The following KMO variants were observed in gnomAD, a reference collection of about 807,000 sequenced individuals.
KMO encodes kynurenine 3-monooxygenase.
In KMO, 24 loss-of-function variants were observed where a neutral mutation model predicts 57.8. The ratio of observed to expected loss-of-function variants is 0.42; its 90% CI spans 0.30 to 0.58. KMO has a LOEUF of 0.58. Ranked by LOEUF, KMO falls within the 20% of genes least tolerant of loss-of-function variation. KMO has a pLI of 0.22. For missense variants in KMO, 483 were observed against 588.2 expected (o/e 0.82, Z 1.85); for synonymous variants, 210 against 193.6 (o/e 1.08, Z -0.70).
chr1:241,566,054 A>G (rs1314849501), intron 8 of KMO, among the ~76,000 whole-genome samples: 3 of 151,958 alleles, frequency 2.0e-5, no homozygotes, highest in East Asian at 3.9e-4. Context: ...AAAATACAAA[A>G]AATTAGCCGG....
chr1:241,560,011 A>G (rs1661778326), intron 5 of KMO, among the ~76,000 whole-genome samples: 1 of 152,254 alleles, frequency 6.6e-6, no homozygotes, highest in Non-Finnish European at 1.5e-5. Context: ...TAATAGGGAC[A>G]AAATCACATT....
chr1:241,543,546 G>A (rs1292520117), intron 1 of KMO, among the ~76,000 whole-genome samples: 1 of 151,926 alleles, frequency 6.6e-6, no homozygotes, highest in Non-Finnish European at 1.5e-5. Flanking sequence ...TTTTTTGTTT[G>A]TCTATTTTAG....
rs746112406 is a variant in KMO, at chr1:241,592,150, G to T, written c.1458G>T (p.Arg486Ser). The T allele has an allele frequency of 6.2e-7, 1 of 1,612,546 alleles. No homozygotes were observed. Residue 486 changes from arginine (R) to serine (S), a missense_variant, in exon 15 of 15, where the codon AGG becomes AGT. Coordinates refer to ENST00000366559, the MANE Select transcript of KMO (RefSeq NM_003679.5). The stretch of plus-strand genomic sequence containing the variant: ...AACAAATTTCCAATCTCATTAGCAG[G>T]TGATAGAAAGGTTTTGTGGTAGCAA... ...SLEQISNLIS[R>S] is the part of the protein sequence containing the mutation.
chr1:241,590,338 T>A (rs144723039), intron 14 of KMO, 75 bp downstream of exon 14: 3 of 1,198,896 alleles, frequency 2.5e-6, no homozygotes, highest in Non-Finnish European at 3.7e-6. Flanking sequence ...TATGTTTGTT[T>A]CCAACAAATA....
chr1:241,577,897 C>A (rs1318919274), intron 10 of KMO, among the ~76,000 whole-genome samples: 1 of 152,046 alleles, frequency 6.6e-6, no homozygotes, highest in Non-Finnish European at 1.5e-5. Flanking sequence ...AGCCACCTCT[C>A]CCCTTTTCCT....
chr1:241,594,138 A>T lies in KMO; in HGVS notation c.*1985A>T. The T allele has an allele frequency of 9.2e-6, 3 of 325,764 alleles. No homozygotes were observed. Among genetic ancestry groups the T allele is most frequent in the Non-Finnish European group, 1.7e-5 (3 of 179,854 alleles). The allele number at this position is 325,764 out of a possible 1,614,324, so 20.2% of individuals were successfully genotyped here. On this transcript the variant is annotated 3_prime_UTR_variant, in exon 15 of 15. Coordinates refer to ENST00000366559, the MANE Select transcript of KMO (RefSeq NM_003679.5). ...TTTTGGAAAATAGAGTAATTTAAAA[A>T]ATATATTTGAAATGAAAATCTCCAA...
intron 3 of KMO, among the ~76,000 whole-genome samples, chr1:241,550,425 C>A (rs755224746): frequency 6.6e-6 from 1 of 152,174 alleles, no homozygotes; most frequent in South Asian, 2.1e-4. Flanking sequence ...TGTTGTAGAA[C>A]TTTTCACTGT....
intron 10 of KMO, among the ~76,000 whole-genome samples, chr1:241,582,968 A>G (rs1259065731): frequency 6.6e-6 from 1 of 152,150 alleles, no homozygotes; most frequent in Admixed American, 6.5e-5. Context: ...GTCTAAGTTT[A>G]TGGTCACTGC....
chr1:241,585,159 G>A (rs2147982033), intron 10 of KMO, among the ~76,000 whole-genome samples: 1 of 152,174 alleles, frequency 6.6e-6, no homozygotes, highest in Non-Finnish European at 1.5e-5. Flanking sequence ...AACCTGGCAG[G>A]TGGAGGTTGC....
intron 5 of KMO, among the ~76,000 whole-genome samples, chr1:241,557,088 C>T (rs555697181): frequency 6.6e-6 from 1 of 150,842 alleles, no homozygotes; most frequent in African/African-American, 2.4e-5. Context: ...GAGAACAAAT[C>T]GAGAGATAGG....
rs747740775 is a variant in KMO at position 241,594,679 on chromosome 1, G to C, written c.*2526G>C. ...AGTCGGAGGCACAGAAGCTGCAAAA[G>C]GGATCTTCGAAACTGGGCAGAGAAA... On this transcript the variant is annotated 3_prime_UTR_variant, in exon 15 of 15. Transcript: ENST00000366559. 1.2e-5 allele frequency: 20 copies of C among 1,613,544 alleles called. No homozygotes were observed. Among genetic ancestry groups the C allele is most frequent in the Non-Finnish European group, 1.7e-5 (20 of 1,179,810 alleles).
chr1:241,560,874 T>C (rs558620008), intron 6 of KMO, 122 bp downstream of exon 6: 11 of 695,330 alleles, frequency 1.6e-5, no homozygotes, highest in Non-Finnish European at 2.3e-5. Flanking sequence ...ATCATCCAAA[T>C]AGTTTCTAGA....
chr1:241,594,721 T>C lies in KMO; in HGVS notation c.*2568T>C. The C allele has an allele frequency of 6.3e-7, 1 of 1,599,554 alleles. No individual in the cohort carries two copies. On this transcript the variant is annotated 3_prime_UTR_variant, in exon 15 of 15. Coordinates refer to ENST00000366559, the MANE Select transcript of KMO (RefSeq NM_003679.5). Reference sequence around the variant, plus strand: ...GCAGAGAAAAAATAAAGTGGAATATTAAGTAAAAGTTGGGCACTAATCTGG... The same window carrying C: ...GCAGAGAAAAAATAAAGTGGAATATCAAGTAAAAGTTGGGCACTAATCTGG...
At chr1:241,585,366 C>G (rs1269970729) in intron 10 of KMO, among the ~76,000 whole-genome samples, 1 of 152,096 alleles carries the variant, frequency 6.6e-6, no homozygotes, top group Non-Finnish European at 1.5e-5. Flanking sequence ...TGGTATCTCT[C>G]ACTTCTATAG....
rs945351043 is a variant in KMO, at chr1:241,562,253, A to T, written c.536A>T (p.Lys179Met). The T allele has an allele frequency of 1.2e-6, 2 of 1,614,206 alleles. No homozygotes were observed. Among genetic ancestry groups the T allele is most frequent in the Non-Finnish European group, 1.7e-6 (2 of 1,180,004 alleles). The change falls in exon 7 of 15, where the codon AAG becomes ATG. Residue 179 changes from lysine to methionine, a missense_variant. Physicochemically the swap from Lys to Met is moderately conservative, Grantham distance 95. Transcript: ENST00000366559. ...TCAACTGTCAGATCTCACCTGATGA[A>T]GAAACCTCGCTTTGATTACAGTCAG... is the stretch of plus-strand genomic sequence containing the variant. ...AYSTVRSHLMKKPRFDYSQQY... is the reference protein window; with the variant it reads ...AYSTVRSHLMMKPRFDYSQQY...
intron 10 of KMO, among the ~76,000 whole-genome samples, chr1:241,585,634 G>A (rs910439474): frequency 1.3e-5 from 2 of 151,870 alleles, no homozygotes; most frequent in South Asian, 2.1e-4. Context: ...GTGCACGCCT[G>A]TAATCCTGGC....
chr1:241,557,612 G>A (rs1442006479), intron 5 of KMO, among the ~76,000 whole-genome samples: 2 of 152,144 alleles, frequency 1.3e-5, no homozygotes, highest in Non-Finnish European at 2.9e-5. Context: ...CCTTTTGGAT[G>A]GATAGATGGG....
chr1:241,585,316 C>T (rs930571160), intron 10 of KMO, among the ~76,000 whole-genome samples: 14 of 152,118 alleles, frequency 9.2e-5, no homozygotes, highest in Middle Eastern at 3.4e-3. Context: ...AATGAATTAA[C>T]TTAAACAAAA....
chr1:241,547,760 T>C (rs779432750), intron 1 of KMO, among the ~76,000 whole-genome samples: 5 of 152,198 alleles, frequency 3.3e-5, no homozygotes, highest in African/African-American at 4.8e-5. Context: ...CAACCAACTC[T>C]TGAAACAGTT....
Sources: gnomAD v4.1 joint callset for allele counts (sites outside exome capture counted in the v4.1 genomes callset) on GRCh38, gnomAD v4.1.1 for gene constraint, MANE v1.5 for transcripts, NCBI Gene and HGNC (gene_info 2026-07-23, HGNC 2026-07-21) for gene names.